Variants in GYPC observed in about 807,000 individuals in gnomAD.
GYPC encodes glycophorin-C.
Under a neutral mutation model 12.6 loss-of-function variants are expected in GYPC, and 14 were observed. The ratio of observed to expected loss-of-function variants is 1.11; its 90% CI spans 0.74 to 1.74. The LOEUF (loss-of-function observed/expected upper bound fraction) is 1.74, where lower values mean the gene tolerates loss of function less well. GYPC is among the 40% of genes most tolerant of loss of function. The pLI is 0.00. For missense variants in GYPC, 225 were observed against 172.1 expected (o/e 1.31, Z -1.72); for synonymous variants, 78 against 62.1 (o/e 1.26, Z -1.20).
intron 1 of GYPC, among the ~76,000 whole-genome samples, chr2:126,677,422 A>T (rs1683026759): frequency 6.7e-6 from 1 of 148,670 alleles, no homozygotes; most frequent in Admixed American, 6.7e-5. Flanking sequence ...AGTGTGTGAG[A>T]GAATGTGAGA....
intron 1 of GYPC, among the ~76,000 whole-genome samples, chr2:126,663,814 C>CG (rs1174786705): frequency 2.0e-5 from 3 of 152,188 alleles, no homozygotes; most frequent in East Asian, 1.9e-4. Context: ...GAGTGTGAAG[C>CG]CGGGGGCCTC....
At chr2:126,669,448 C>G (rs536655856) in intron 1 of GYPC, among the ~76,000 whole-genome samples, 1 of 152,006 alleles carries the variant, frequency 6.6e-6, no homozygotes, top group Non-Finnish European at 1.5e-5. Flanking sequence ...CTCATATGTG[C>G]GGAAACTGGG....
chr2:126,683,058 C>T (rs1440260040), intron 1 of GYPC, among the ~76,000 whole-genome samples: 1 of 152,202 alleles, frequency 6.6e-6, no homozygotes, highest in Non-Finnish European at 1.5e-5. Context: ...TGGCTCATGC[C>T]TGTAATCCCA....
chr2:126,692,308 C>A (rs899613795), intron 2 of GYPC, among the ~76,000 whole-genome samples: 1 of 152,060 alleles, frequency 6.6e-6, no homozygotes, highest in Non-Finnish European at 1.5e-5. Context: ...CCCCAGACAC[C>A]CCTAGCTTGG....
chr2:126,687,509 G>A (rs1350889135), intron 1 of GYPC, among the ~76,000 whole-genome samples: 1 of 152,166 alleles, frequency 6.6e-6, no homozygotes, highest in African/African-American at 2.4e-5. Flanking sequence ...TCCTCTCTAT[G>A]CTGATTCTGA....
chr2:126,667,212 TG>T (rs1430717278), intron 1 of GYPC, among the ~76,000 whole-genome samples: 1 of 152,186 alleles, frequency 6.6e-6, no homozygotes, highest in Non-Finnish European at 1.5e-5. Context: ...AAGGCTGTTT[TG>T]CTTATTTTTG....
chr2:126,681,000 C>T (rs796551796), intron 1 of GYPC, among the ~76,000 whole-genome samples: 28 of 152,202 alleles, frequency 1.8e-4, no homozygotes, highest in African/African-American at 6.7e-4. Context: ...TTCTAGTCGG[C>T]GACTTTGAAG....
chr2:126,679,508 T>C (rs1326886008), intron 1 of GYPC: 1 of 152,184 alleles, frequency 6.6e-6, no homozygotes, highest in Non-Finnish European at 1.5e-5. Flanking sequence ...TCAGAGGATA[T>C]TTTAAGCAAC....
At chr2:126,676,049 G>A (rs1184640563) in intron 1 of GYPC, among the ~76,000 whole-genome samples, 3 of 152,184 alleles carry the variant, frequency 2.0e-5, no homozygotes, top group Admixed American at 6.5e-5. Flanking sequence ...CAGCTGTGCT[G>A]TGAGCCCTCC....
At chr2:126,695,361 G>T (rs1434323350) in intron 3 of GYPC, among the ~76,000 whole-genome samples, 1 of 152,188 alleles carries the variant, frequency 6.6e-6, no homozygotes, top group Non-Finnish European at 1.5e-5. Flanking sequence ...AAAGAAAAGG[G>T]AGGGAAGGAA....
At chr2:126,676,373 C>A (rs1375409318) in intron 1 of GYPC, among the ~76,000 whole-genome samples, 4 of 152,348 alleles carry the variant, frequency 2.6e-5, no homozygotes, top group East Asian at 3.9e-4. Flanking sequence ...CAGGACTGGG[C>A]CAATTCACCC....
intron 1 of GYPC, among the ~76,000 whole-genome samples, chr2:126,660,607 C>T (rs562029943): frequency 2.6e-5 from 4 of 152,162 alleles, no homozygotes; most frequent in Admixed American, 6.5e-5. Flanking sequence ...GCCTGTCCCC[C>T]ACTCAGGGCC....
Position 126,661,447 on chromosome 2 carries a change from C to T in GYPC, c.49+5135C>T, listed in dbSNP as rs115739796. Among the ~76,000 whole-genome samples the T allele has an allele frequency of 6.1e-3, 913 of 150,294 alleles. 6 individuals carry two copies. The highest frequency in any genetic ancestry group is 0.021 in the African/African-American group (874 of 40,908). ...CATGTGAAAGCCAGATGCCCCTTCT[C>T]TCTCTCTCTTTTTTTTTTTTTTGAT... On this transcript the variant is annotated intron_variant, in intron 1 of 3. Transcript: ENST00000259254.
In GYPC at chr2:126,695,989, CGT is replaced by C; in HGVS notation, c.235_236del (p.Val79HisfsTer16). 1 of 1,614,120 alleles carries C rather than the reference CGT, an allele frequency of 6.2e-7. No homozygotes were observed. On this transcript the variant is annotated frameshift_variant, in exon 4 of 4. Coordinates refer to ENST00000259254, the MANE Select transcript of GYPC (RefSeq NM_002101.5). LOFTEE classifies it high-confidence loss of function. Reference protein sequence around the residue: ...VAIVLVSLLFVMLRYMYRHKG... With the variant: ...VAIVLVSLLFXMLRYMYRHKG... ...CCATCGTCCTAGTCTCCCTCCTCTTCGTCATGCTGCGCTACATGTACCGGCAC... is the reference window on the plus strand; with the variant it reads ...CCATCGTCCTAGTCTCCCTCCTCTTCCATGCTGCGCTACATGTACCGGCAC...
chr2:126,682,717 G>A (rs1438789577), intron 1 of GYPC, among the ~76,000 whole-genome samples: 1 of 152,208 alleles, frequency 6.6e-6, no homozygotes, highest in East Asian at 1.9e-4. Flanking sequence ...GCAGCTTTCT[G>A]CTTCCAGGAA....
At chr2:126,692,615 A>C (rs1012881706) in intron 2 of GYPC, among the ~76,000 whole-genome samples, 1 of 152,132 alleles carries the variant, frequency 6.6e-6, no homozygotes, top group Non-Finnish European at 1.5e-5. Context: ...CTCCCAGAGG[A>C]GAGAAGGCAT....
chr2:126,693,747 CTTGGACCCA>C (rs1287633135), intron 2 of GYPC, 108 bp from the exon 3 acceptor site: 1 of 785,592 alleles, frequency 1.3e-6, no homozygotes, highest in Non-Finnish European at 2.3e-6. Flanking sequence ...CTCCTTTCCA[CTTGGACCCA>C]TTCTCAGAGC....
chr2:126,684,803 A>T (rs1683240816), intron 1 of GYPC, among the ~76,000 whole-genome samples: 1 of 152,140 alleles, frequency 6.6e-6, no homozygotes, highest in Non-Finnish European at 1.5e-5. Context: ...TCAGTCTCAC[A>T]GTTGTGTCTC....
At chr2:126,691,368 C>A (rs1301617586) in intron 2 of GYPC, among the ~76,000 whole-genome samples, 1 of 152,070 alleles carries the variant, frequency 6.6e-6, no homozygotes, top group Non-Finnish European at 1.5e-5. Flanking sequence ...CTCTGGAGTC[C>A]CAGCAGAAGT....
Sources: allele counts gnomAD v4.1 joint callset (sites outside exome capture counted in the v4.1 genomes callset), GRCh38; gene constraint gnomAD v4.1.1; transcripts MANE v1.5; gene names NCBI Gene and HGNC (gene_info 2026-07-23, HGNC 2026-07-21).